The following ITGA6 variants were observed in gnomAD, a reference collection of about 807,000 sequenced individuals.
ITGA6 encodes integrin subunit alpha 6, also known as integrin alpha-6.
In ITGA6, 63 loss-of-function variants were observed where a neutral mutation model predicts 133.6. That is an observed-to-expected ratio of 0.47 (90% CI 0.38 to 0.58). ITGA6 has a LOEUF of 0.58. Among genes scored for constraint, ITGA6 ranks in the 20% least tolerant of loss-of-function variants. The pLI is 0.00. For synonymous variants in ITGA6, 434 were observed against 482.0 expected (o/e 0.90, Z 1.30); for missense variants, 1,068 against 1,309.4 (o/e 0.82, Z 2.85).
chr2:172,484,945 G>A lies in ITGA6; in HGVS notation c.1710+3G>A, dbSNP rs1218053903. On this transcript the variant is annotated splice_donor_region_variant and intron_variant, in intron 12 of 25. Coordinates refer to ENST00000684293, the MANE Select transcript of ITGA6 (RefSeq NM_000210.4). ...TGGAGGAAACCCTGTGGCTACAGGT[G>A]AGGGCTGCAGATGGTCACATCTGTT... 6.2e-7 allele frequency: 1 copy of A among 1,613,814 alleles called. No individual in the cohort carries two copies. Among genetic ancestry groups the A allele is most frequent in the Non-Finnish European group, 8.5e-7 (1 of 1,179,794 alleles).
At chr2:172,444,753 C>T (rs558590951) in intron 1 of ITGA6, among the ~76,000 whole-genome samples, 113 of 136,710 alleles carry the variant, frequency 8.3e-4, no homozygotes, top group African/African-American at 2.8e-3. Context: ...CTAATCGCCA[C>T]GTATTTCCCC....
chr2:172,498,053 C>A lies in ITGA6; in HGVS notation c.3067C>A (p.Leu1023Ile), dbSNP rs781481774. 7 of 1,613,208 alleles carry A rather than the reference C, an allele frequency of 4.3e-6. No individual in the cohort carries two copies. Among genetic ancestry groups the A allele is most frequent in the Non-Finnish European group, 5.9e-6 (7 of 1,179,276 alleles). Reference sequence around the variant, plus strand: ...TTGGTGGATCATCCTAGTGGCTATTCTCGCTGGGATCTTGATGCTTGCTTT... The same window carrying A: ...TTGGTGGATCATCCTAGTGGCTATTATCGCTGGGATCTTGATGCTTGCTTT... The part of the protein sequence containing the change: ...VPWWIILVAI[L>I]AGILMLALLV... The change falls in exon 24 of 26, where the codon CTC becomes ATC. Residue 1023 changes from leucine (L) to isoleucine (I), a missense_variant. This residue lies in a region of ITGA6 where 609 missense variants were observed against 707.2 expected (regional missense o/e 0.86). Coordinates refer to ENST00000684293, the MANE Select transcript of ITGA6 (RefSeq NM_000210.4).
intron 25 of ITGA6, 59 bp downstream of exon 25, chr2:172,501,960 A>G: frequency 1.4e-6 from 2 of 1,467,932 alleles, no homozygotes; most frequent in Non-Finnish European, 1.9e-6. Context: ...TGTGGTGGCT[A>G]ACTTTAAGAA....
chr2:172,456,784 AC>A, intron 1 of ITGA6, among the ~76,000 whole-genome samples: 1 of 152,324 alleles, frequency 6.6e-6, no homozygotes, highest in East Asian at 1.9e-4. Context: ...TAATCCAAAT[AC>A]AAAGCAATAT....
chr2:172,485,061 T>C, intron 12 of ITGA6, 60 bp from the exon 13 acceptor site: 1 of 1,602,374 alleles, frequency 6.2e-7, no homozygotes, highest in Non-Finnish European at 8.6e-7. Context: ...AATCATTGTT[T>C]TGGAATTCCC....
chr2:172,497,703 TAACA>T (rs1262599520), intron 23 of ITGA6, among the ~76,000 whole-genome samples: 2 of 152,120 alleles, frequency 1.3e-5, no homozygotes, highest in African/African-American at 4.8e-5. Flanking sequence ...CTTGTGTTGA[TAACA>T]AATTTTTTTT....
At chr2:172,470,932 C>T in intron 4 of ITGA6, 42 bp from the exon 5 acceptor site, 1 of 1,604,588 alleles carries the variant, frequency 6.2e-7, no homozygotes, top group Non-Finnish European at 8.5e-7. Context: ...TCTTTTGTTT[C>T]ATCTTCATTT....
Position 172,491,465 on chromosome 2 carries a change from C to A in ITGA6, c.2930C>A (p.Ala977Asp), listed in dbSNP as rs1312740536. Residue 977 changes from alanine to aspartate, a missense_variant, in exon 23 of 26, where the codon GCC becomes GAC. Physicochemically the swap from Ala to Asp is moderately radical, Grantham distance 126. Around this residue, in one of 3 missense-constraint regions of ITGA6, gnomAD observed 609 missense variants for 707.2 expected, o/e 0.86. Coordinates refer to ENST00000684293, the MANE Select transcript of ITGA6 (RefSeq NM_000210.4). This position sits in a 1 kb window ranked among gnomAD's most constrained non-coding sequence, Gnocchi z 4.4. ...KLNYLDILMR[A>D]FIDVTAAAEN... ...AACTACTTGGACATTCTCATGCGAG[C>A]CTTCATTGATGTGACTGCTGCTGCC... is the stretch of plus-strand genomic sequence containing the variant. 3 of 1,613,832 alleles carry A rather than the reference C, an allele frequency of 1.9e-6. No individual in the cohort carries two copies. The African/African-American group carries it at 4.0e-5, about 22-fold the overall frequency.
chr2:172,474,350 AG>A, intron 6 of ITGA6, 85 bp downstream of exon 6: 1 of 1,191,662 alleles, frequency 8.4e-7, no homozygotes. Flanking sequence ...CCGTCCTTTC[AG>A]GTTCATTGAC....
Position 172,475,695 on chromosome 2 carries a change from T to A in ITGA6, c.1269+10T>A. 6.8e-7 allele frequency: 1 copy of A among 1,472,114 alleles called. No homozygotes were observed. The highest frequency in any genetic ancestry group is 9.5e-7 in the Non-Finnish European group (1 of 1,050,654). The allele number at this position is 1,472,114 out of a possible 1,614,324, so 91.2% of individuals were successfully genotyped here. ...TACCAAACCAACACAGGTAACCAAATAACCGGGATTTCTACAGCTAGAGTC... is the reference window on the plus strand; with the variant it reads ...TACCAAACCAACACAGGTAACCAAAAAACCGGGATTTCTACAGCTAGAGTC... On this transcript the variant is annotated intron_variant, in intron 8 of 25. Coordinates refer to ENST00000684293, the MANE Select transcript of ITGA6 (RefSeq NM_000210.4).
At chr2:172,473,676 A>G (rs1686041613) in intron 5 of ITGA6, among the ~76,000 whole-genome samples, 1 of 152,218 alleles carries the variant, frequency 6.6e-6, no homozygotes, top group Non-Finnish European at 1.5e-5. Flanking sequence ...TTCTCTGTGT[A>G]TATGATGTAA....
At chr2:172,457,833 C>G (rs776303647) in intron 1 of ITGA6, among the ~76,000 whole-genome samples, 1 of 152,136 alleles carries the variant, frequency 6.6e-6, no homozygotes, top group Non-Finnish European at 1.5e-5. Flanking sequence ...AGATGGCAAA[C>G]TAGGTATATG....
At chr2:172,428,589 A>G (rs1273845803) in intron 1 of ITGA6, 2 of 151,278 alleles carry the variant, frequency 1.3e-5, no homozygotes, top group African/African-American at 2.4e-5. Context: ...GGAATTAACC[A>G]AACACCTGTT....
At chr2:172,484,998 T>C in intron 12 of ITGA6, 56 bp downstream of exon 12, 1 of 1,597,110 alleles carries the variant, frequency 6.3e-7, no homozygotes, top group Non-Finnish European at 8.6e-7. Context: ...AAAGGTTATA[T>C]GGTGATATAC....
intron 2 of ITGA6, among the ~76,000 whole-genome samples, chr2:172,466,480 C>T (rs762829285): frequency 1.3e-5 from 2 of 151,956 alleles, no homozygotes; most frequent in Non-Finnish European, 2.9e-5. Context: ...ATTAGCCAGG[C>T]GTGGTGGTGT....
At chr2:172,481,844 C>G (rs1686456286) in intron 11 of ITGA6, among the ~76,000 whole-genome samples, 1 of 152,210 alleles carries the variant, frequency 6.6e-6, no homozygotes, top group South Asian at 2.1e-4. Context: ...TATACTGTGA[C>G]TCTTCAGGAT....
chr2:172,462,742 CT>C (rs1020559559), intron 1 of ITGA6, among the ~76,000 whole-genome samples: 5 of 152,180 alleles, frequency 3.3e-5, no homozygotes, highest in African/African-American at 1.2e-4. Flanking sequence ...ACCTCCACAG[CT>C]TTTTAAACCA....
chr2:172,476,758 T>C (rs552836928), intron 9 of ITGA6, among the ~76,000 whole-genome samples: 8 of 152,294 alleles, frequency 5.3e-5, no homozygotes, highest in African/African-American at 1.7e-4. Flanking sequence ...TTTAAAACCT[T>C]AATTTTGATG....
At chr2:172,441,559 TAAAAAAAAAAAAAAAAAAAAA>T (rs57828626) in intron 1 of ITGA6, among the ~76,000 whole-genome samples, 16 of 48,856 alleles carry the variant, frequency 3.3e-4, no homozygotes, top group South Asian at 1.5e-3. Flanking sequence ...GCTGTCTCTT[TAAAAAAAAAAAAAAAAAAAAA>T]AAAAAAAAAA....
Sources: allele counts gnomAD v4.1 joint callset (sites outside exome capture counted in the v4.1 genomes callset), GRCh38; gene constraint gnomAD v4.1.1; regional missense constraint gnomAD v4.1.1; non-coding constraint Gnocchi (gnomAD v3.1); transcripts MANE v1.5; gene names NCBI Gene and HGNC (gene_info 2026-07-23, HGNC 2026-07-21).